CLEC2L: variants seen among roughly 807,000 people sequenced by gnomAD.
The protein encoded by CLEC2L is C-type lectin domain family 2, member L.
CLEC2L carries 14 observed loss-of-function variants against 23.6 expected under a neutral mutation model. The ratio of observed to expected loss-of-function variants is 0.59; its 90% confidence interval spans 0.39 to 0.93. CLEC2L has a LOEUF of 0.93. Among genes scored for constraint, CLEC2L ranks in the 40% least tolerant of loss-of-function variants. The pLI is 0.00. For missense variants in CLEC2L, 264 were observed against 282.4 expected (o/e 0.93, Z 0.47); for synonymous variants, 114 against 121.3 (o/e 0.94, Z 0.40).
chr7:139,536,185 C>T (rs947989910), intron 1 of CLEC2L, 89 bp from the exon 2 acceptor site: 36 of 981,862 alleles, frequency 3.7e-5, no homozygotes, highest in South Asian at 2.1e-4. Context: ...TCTACCTCCC[C>T]CTGTTTCTCA....
intron 1 of CLEC2L, among the ~76,000 whole-genome samples, chr7:139,532,901 A>G (rs1442170844): frequency 2.6e-5 from 4 of 152,230 alleles, no homozygotes; most frequent in Non-Finnish European, 4.4e-5. Flanking sequence ...AGCAGACTGA[A>G]CTAAGACCAA....
chr7:139,538,458 C>CA (rs200895765), intron 2 of CLEC2L, among the ~76,000 whole-genome samples: 4,685 of 142,048 alleles, frequency 0.033, 265 homozygotes, highest in African/African-American at 0.12. Context: ...AAACAAAAAA[C>CA]AAAAAAAGGT....
chr7:139,534,457 G>A (rs562291710), intron 1 of CLEC2L: 4 of 810,006 alleles, frequency 4.9e-6, no homozygotes, highest in South Asian at 1.3e-5. Flanking sequence ...CTGGTTTACC[G>A]AGCTGATACC....
At chr7:139,536,176 C>G (rs1797651979) in intron 1 of CLEC2L, 98 bp from the exon 2 acceptor site, 1 of 892,866 alleles carries the variant, frequency 1.1e-6, no homozygotes, top group Non-Finnish European at 1.7e-6. Flanking sequence ...TTGCTGGGCT[C>G]TACCTCCCCC....
At chr7:139,543,175 T>A (rs1585203830) in intron 4 of CLEC2L, among the ~76,000 whole-genome samples, 1 of 152,268 alleles carries the variant, frequency 6.6e-6, no homozygotes, top group East Asian at 1.9e-4. Context: ...GCATTCATGA[T>A]GCTTCCCCTC....
At chr7:139,532,007 C>T (rs190434566) in intron 1 of CLEC2L, among the ~76,000 whole-genome samples, 52 of 151,932 alleles carry the variant, frequency 3.4e-4, no homozygotes, top group African/African-American at 5.1e-4. Context: ...TGAAATAGAC[C>T]AAACCAAGGC....
chr7:139,544,205 C>T (rs765687958), intron 4 of CLEC2L, 26 bp from the exon 5 acceptor site: 146 of 1,563,268 alleles, frequency 9.3e-5, no homozygotes, highest in Middle Eastern at 8.3e-4. Flanking sequence ...AGATCATAAA[C>T]GCCTGGTCTT....
chr7:139,530,359 T>C (rs1797563989), intron 1 of CLEC2L, among the ~76,000 whole-genome samples: 2 of 152,144 alleles, frequency 1.3e-5, no homozygotes, highest in African/African-American at 2.4e-5. Flanking sequence ...TACCTGAGCC[T>C]CATGGGAGGA....
At chr7:139,534,006 TA>T (rs917085702) in intron 1 of CLEC2L, among the ~76,000 whole-genome samples, 5 of 151,526 alleles carry the variant, frequency 3.3e-5, no homozygotes, top group African/African-American at 1.2e-4. Flanking sequence ...GTTAAGATGG[TA>T]AAAAAAAATC....
chr7:139,524,910 C>A (rs1310835968), intron 1 of CLEC2L, among the ~76,000 whole-genome samples: 4 of 152,130 alleles, frequency 2.6e-5, no homozygotes, highest in Admixed American at 2.0e-4. Flanking sequence ...GCCTGGATCA[C>A]CCATCCTTAG....
chr7:139,543,183 C>T (rs1797762372), intron 4 of CLEC2L, among the ~76,000 whole-genome samples: 1 of 152,106 alleles, frequency 6.6e-6, no homozygotes, highest in African/African-American at 2.4e-5. Flanking sequence ...GATGCTTCCC[C>T]TCCTCCTCCT....
chr7:139,524,236 G>T lies in CLEC2L; in HGVS notation c.190+119G>T, dbSNP rs147489774. On this transcript the variant is annotated intron_variant, in intron 1 of 4. Transcript: ENST00000422142. ...TCCCGGAGGGGAGCGCTGGGAGCGC[G>T]GCGCCGGGACGCGGCGGAGTCATTC... 1.5e-3 allele frequency: 1,606 copies of T among 1,047,834 alleles called. 19 individuals carry two copies. In the African/African-American group the frequency reaches 0.026, roughly 17 times the overall value. 64.9% of individuals were successfully genotyped at this position (1,047,834 alleles called of 1,614,324 possible).
chr7:139,534,303 CT>C, intron 1 of CLEC2L: 1 of 1,470,708 alleles, frequency 6.8e-7, no homozygotes, highest in Non-Finnish European at 9.5e-7. Context: ...CTTATGCTGA[CT>C]ACGAATCTGT....
intron 3 of CLEC2L, among the ~76,000 whole-genome samples, 166 bp from the exon 4 acceptor site, chr7:139,541,855 C>A (rs541931322): frequency 6.6e-6 from 1 of 152,334 alleles, no homozygotes; most frequent in African/African-American, 2.4e-5. Flanking sequence ...GCAGAGGATC[C>A]TGTAACCTAG....
At chr7:139,537,000 A>AG (rs1196589643) in intron 2 of CLEC2L, among the ~76,000 whole-genome samples, 19 of 150,518 alleles carry the variant, frequency 1.3e-4, no homozygotes, top group Admixed American at 2.7e-4. Flanking sequence ...AAAAAAAAAA[A>AG]GATCACATTC....
Position 139,525,546 on chromosome 7 carries a change from AC to A in CLEC2L, c.190+1436del, listed in dbSNP as rs527397633. On this transcript the variant is annotated intron_variant, in intron 1 of 4. Transcript: ENST00000422142. ...GTGGAATGGATGGAGGTGGTCAGACACCCCCCCGTGACGCTGTCTCCGGCTT... is the reference window on the plus strand; with the variant it reads ...GTGGAATGGATGGAGGTGGTCAGACACCCCCCGTGACGCTGTCTCCGGCTT... 2.4e-3 allele frequency among the ~76,000 whole-genome samples: 356 copies of A among 151,282 alleles called. 1 individual carries two copies. The highest frequency in any genetic ancestry group is 8.3e-3 in the African/African-American group (340 of 41,160).
intron 1 of CLEC2L, 80 bp from the exon 2 acceptor site, chr7:139,536,194 C>A: frequency 9.2e-7 from 1 of 1,088,514 alleles, no homozygotes; most frequent in South Asian, 1.4e-5. Flanking sequence ...CCCTGTTTCT[C>A]ATTAGCAGGG....
rs1797466347 is a variant in CLEC2L at position 139,523,920 on chromosome 7, C to T, written c.-8C>T. On this transcript the variant is annotated 5_prime_UTR_variant, in exon 1 of 5. Transcript: ENST00000422142. The surrounding 1 kb of genome is among the most constrained non-coding windows in gnomAD (Gnocchi z 4.1). Reference sequence around the variant, plus strand: ...GGAGCGCGGGCGCGGCGCGGCGGAGCGCCCCGCATGGAGCCGGCCCGGGAG... The same window carrying T: ...GGAGCGCGGGCGCGGCGCGGCGGAGTGCCCCGCATGGAGCCGGCCCGGGAG... 2.0e-6 allele frequency: 2 copies of T among 976,928 alleles called. No individual in the cohort carries two copies. Among genetic ancestry groups the T allele is most frequent in the Non-Finnish European group, 2.4e-6 (2 of 825,810 alleles). 60.5% of individuals were successfully genotyped at this position (976,928 alleles called of 1,614,324 possible).
At chr7:139,531,388 A>G (rs1468875023) in intron 1 of CLEC2L, among the ~76,000 whole-genome samples, 1 of 152,234 alleles carries the variant, frequency 6.6e-6, no homozygotes, top group East Asian at 1.9e-4. Context: ...AACCTTGGAA[A>G]TTAAAAATAT....
Sources: gnomAD v4.1 joint callset for allele counts (sites outside exome capture counted in the v4.1 genomes callset) on GRCh38, gnomAD v4.1.1 for gene constraint, Gnocchi (gnomAD v3.1) non-coding constraint, MANE v1.5 for transcripts, NCBI Gene and HGNC (gene_info 2026-07-23, HGNC 2026-07-21) for gene names.